SBF1: variants seen among roughly 807,000 people sequenced by gnomAD.
SBF1 encodes myotubularin-related protein 5.
A neutral mutation model predicts 215.8 loss-of-function variants in SBF1; 65 were observed. That is an observed-to-expected ratio of 0.30 (90% CI 0.25 to 0.37). SBF1 has a LOEUF of 0.37. Ranked by LOEUF, SBF1 falls within the 10% of genes least tolerant of loss-of-function variation. The pLI is 1.00. For missense variants in SBF1, 2,634 were observed against 2,667.8 expected (o/e 0.99, Z 0.28); for synonymous variants, 1,410 against 1,122.8 (o/e 1.26, Z -5.11).
chr22:50,457,059 C>G lies in SBF1; in HGVS notation c.3879G>C (p.Ser1293=). 1 of 1,464,918 alleles carries G rather than the reference C, an allele frequency of 6.8e-7. No individual in the cohort carries two copies. The highest frequency in any genetic ancestry group is 2.8e-5 in the East Asian group (1 of 35,932). The allele number at this position is 1,464,918 out of a possible 1,614,324, so 90.7% of individuals were successfully genotyped here. The stretch of plus-strand genomic sequence containing the variant: ...CTCGGGGTGCGGTCCGTCTGGAGGC[C>G]GAGGCCGCCATGGGGTTGGACAGCG... The part of the protein sequence containing the change: ...VTTLSNPMAA[S]ASRRTAPRGK... The change falls in exon 29 of 41, where the codon TCG becomes TCC. Residue 1293 remains serine (S), a synonymous_variant. Coordinates refer to ENST00000380817, the MANE Select transcript of SBF1 (RefSeq NM_002972.4).
rs749723222 is a variant in SBF1 at position 50,465,791 on chromosome 22, G to T, written c.1061C>A (p.Thr354Lys). Residue 354 changes from threonine to lysine, a missense_variant, in exon 10 of 41, where the codon ACG becomes AAG. Coordinates refer to ENST00000380817, the MANE Select transcript of SBF1 (RefSeq NM_002972.4). ...CATCTTCAGGGAGGAGGTGGATGTC[G>T]TGGGCGGAGGGAAGGCGAGGTCAGC... Reference protein sequence around the residue: ...ELADLAFPPPTTSTSSLKMQD... With the variant: ...ELADLAFPPPKTSTSSLKMQD... The T allele has an allele frequency of 6.2e-7, 1 of 1,610,248 alleles. No individual in the cohort carries two copies. The highest frequency in any genetic ancestry group is 1.7e-5 in the Admixed American group (1 of 59,566).
chr22:50,459,512 C>G lies in SBF1; in HGVS notation c.3646G>C (p.Gly1216Arg). 1 of 1,610,296 alleles carries G rather than the reference C, an allele frequency of 6.2e-7. No individual in the cohort carries two copies. The highest frequency in any genetic ancestry group is 8.5e-7 in the Non-Finnish European group (1 of 1,179,820). The change falls in exon 27 of 41, where the codon GGT (glycine) becomes CGT (arginine). Residue 1216 changes from glycine to arginine, a missense_variant. By Grantham distance (125) the Gly-to-Arg change is moderately radical. Transcript: ENST00000380817. Reference sequence around the variant, plus strand: ...TGGGCCTTGAAGAGGCCGACGACACCTTTGCCATGCAGGCCTCCAGAGCGC... The same window carrying G: ...TGGGCCTTGAAGAGGCCGACGACACGTTTGCCATGCAGGCCTCCAGAGCGC... Reference protein sequence around the residue: ...LLRSGGLHGKGVVGLFKAQNA... With the variant: ...LLRSGGLHGKRVVGLFKAQNA...
At chr22:50,448,475 G>T (rs554649433) in intron 37 of SBF1, 31 bp from the exon 38 acceptor site, 1 of 1,610,324 alleles carries the variant, frequency 6.2e-7, no homozygotes, top group East Asian at 2.2e-5. Flanking sequence ...CTTGGGTCAG[G>T]GCTGGACAGA....
chr22:50,462,455 A>T lies in SBF1; in HGVS notation c.2146T>A (p.Ser716Thr), dbSNP rs1268805102. The T allele has an allele frequency of 6.2e-7, 1 of 1,613,694 alleles. No individual in the cohort carries two copies. The change falls in exon 19 of 41, where the codon TCC (serine) becomes ACC (threonine). Residue 716 changes from serine to threonine, a missense_variant. Ser to Thr is a moderately conservative substitution (Grantham distance 58). Transcript: ENST00000380817. ...APAQEVGEAP[S>T]QEDERSALDV... is the part of the protein sequence containing the mutation. Reference sequence around the variant, plus strand: ...AGGGCAGAGCGCTCGTCCTCCTGGGAAGGTGCCTCCCCAACCTCCTGCCAC... The same window carrying T: ...AGGGCAGAGCGCTCGTCCTCCTGGGTAGGTGCCTCCCCAACCTCCTGCCAC...
At chr22:50,467,736 G>A (rs1213130122) in intron 3 of SBF1, 46 bp from the exon 4 acceptor site, 1 of 1,610,944 alleles carries the variant, frequency 6.2e-7, no homozygotes, top group Admixed American at 1.7e-5. Flanking sequence ...GTTGGCCACG[G>A]CCCAAGGATG....
rs1253760267 is a variant in SBF1, at chr22:50,466,724, A to T, written c.550-14T>A. ...AGAGATCGTCCTCTGCAGCAAAAAA[A>T]GGATCGGGGCTCAGTAGTTTGGCCA... is the stretch of plus-strand genomic sequence containing the variant. On this transcript the variant is annotated splice_polypyrimidine_tract_variant and intron_variant, in intron 5 of 40. Coordinates refer to ENST00000380817, the MANE Select transcript of SBF1 (RefSeq NM_002972.4). The T allele has an allele frequency of 2.0e-6, 3 of 1,507,282 alleles. No individual in the cohort carries two copies. Among genetic ancestry groups the T allele is most frequent in the Admixed American group, 4.3e-5 (2 of 46,804 alleles). The allele number at this position is 1,507,282 out of a possible 1,614,324, so 93.4% of individuals were successfully genotyped here.
Position 50,460,577 on chromosome 22 carries a change from C to T in SBF1, c.3103G>A (p.Gly1035Ser). 1 of 1,614,104 alleles carries T rather than the reference C, an allele frequency of 6.2e-7. No homozygotes were observed. The highest frequency in any genetic ancestry group is 8.5e-7 in the Non-Finnish European group (1 of 1,180,028). Reference sequence around the variant, plus strand: ...TCCTTGGTGACTCGCGGTGGCCGGCCAGGTGTGTGGGCAGAGCCCAAGGTG... The same window carrying T: ...TCCTTGGTGACTCGCGGTGGCCGGCTAGGTGTGTGGGCAGAGCCCAAGGTG... ...AFTLGSAHTP[G>S]RPPRVTKDKG... is the part of the protein sequence containing the mutation. The change falls in exon 24 of 41, where the codon GGC becomes AGC. Residue 1035 changes from glycine (G) to serine (S), a missense_variant. By Grantham distance (56) the Gly-to-Ser change is moderately conservative. Transcript: ENST00000380817.
At chr22:50,474,730 G>T in intron 1 of SBF1, 56 bp downstream of exon 1, 1 of 1,398,752 alleles carries the variant, frequency 7.1e-7, no homozygotes, top group Non-Finnish European at 9.4e-7. Context: ...CCAGCCCCTG[G>T]CCCTCAGCAC....
At position 50,462,160 on chromosome 22, in the gene SBF1, C is replaced by A. The variant is rs373999359; in HGVS notation, c.2397-41G>T. 7.5e-6 allele frequency: 12 copies of A among 1,607,938 alleles called. No individual in the cohort carries two copies. The South Asian group carries it at 1.3e-4, about 18-fold the overall frequency. On this transcript the variant is annotated intron_variant, in intron 19 of 40. Coordinates refer to ENST00000380817, the MANE Select transcript of SBF1 (RefSeq NM_002972.4). Reference sequence around the variant, plus strand: ...AACTGTGGGCATGGGCCCTGCCCACCACGGCCCCGCCTCCACTGGGCCCAA... The same window carrying A: ...AACTGTGGGCATGGGCCCTGCCCACAACGGCCCCGCCTCCACTGGGCCCAA...
At chr22:50,458,445 C>T (rs373062397) in intron 28 of SBF1, among the ~76,000 whole-genome samples, 3 of 151,944 alleles carry the variant, frequency 2.0e-5, no homozygotes, top group African/African-American at 4.8e-5. Context: ...TGGTCGGAGA[C>T]GCAAAAGGGA....
chr22:50,465,783 T>C lies in SBF1; in HGVS notation c.1069A>G (p.Thr357Ala), dbSNP rs746439204. The C allele has an allele frequency of 1.5e-5, 24 of 1,607,842 alleles. No homozygotes were observed. The highest frequency in any genetic ancestry group is 1.8e-5 in the Non-Finnish European group (21 of 1,177,996). Residue 357 changes from threonine to alanine, a missense_variant, in exon 10 of 41, where the codon ACC becomes GCC. Physicochemically the swap from Thr to Ala is moderately conservative, Grantham distance 58. Transcript: ENST00000380817. ...DLAFPPPTTSTSSLKMQDKEL... is the reference protein window; with the variant it reads ...DLAFPPPTTSASSLKMQDKEL... Reference sequence around the variant, plus strand: ...CCCACCTGCATCTTCAGGGAGGAGGTGGATGTCGTGGGCGGAGGGAAGGCG... The same window carrying C: ...CCCACCTGCATCTTCAGGGAGGAGGCGGATGTCGTGGGCGGAGGGAAGGCG...
rs2066826418 is a variant in SBF1 at position 50,446,575 on chromosome 22, G to A, written c.*567C>T. On this transcript the variant is annotated 3_prime_UTR_variant, in exon 41 of 41. Transcript: ENST00000380817. Reference sequence around the variant, plus strand: ...GTGCCGGCCCCTAGACCAGCCCTGAGGCGTGGAGGGAATCAAGCAAGTCCC... The same window carrying A: ...GTGCCGGCCCCTAGACCAGCCCTGAAGCGTGGAGGGAATCAAGCAAGTCCC... The A allele has an allele frequency of 3.0e-6, 1 of 335,564 alleles. No homozygotes were observed. Among genetic ancestry groups the A allele is most frequent in the Non-Finnish European group, 5.9e-6 (1 of 169,438 alleles). 20.8% of individuals were successfully genotyped at this position (335,564 alleles called of 1,614,324 possible). A position where few individuals can be genotyped will look rare whatever the true frequency, so the allele number is the denominator to read the frequency against.
intron 1 of SBF1, among the ~76,000 whole-genome samples, chr22:50,471,615 T>C (rs1264696957): frequency 6.6e-6 from 1 of 152,002 alleles, no homozygotes; most frequent in Non-Finnish European, 1.5e-5. Flanking sequence ...AACCCCAACG[T>C]GCACATGGCT....
Position 50,460,334 on chromosome 22 carries a change from T to G in SBF1, c.3221A>C (p.Asn1074Thr). 6.2e-7 allele frequency: 1 copy of G among 1,611,384 alleles called. No individual in the cohort carries two copies. Among genetic ancestry groups the G allele is most frequent in the Non-Finnish European group, 8.5e-7 (1 of 1,179,046 alleles). ...GRQHVTRKKYNPPSWEHRGQP... is the reference protein window; with the variant it reads ...GRQHVTRKKYTPPSWEHRGQP... The stretch of plus-strand genomic sequence containing the variant: ...GCCCCGGTGCTCCCAGCTGGGGGGG[T>G]TGTACTTCTTGCGAGTGACATGCTG... The change falls in exon 25 of 41, where the codon AAC becomes ACC. Residue 1074 changes from asparagine (N) to threonine (T), a missense_variant. Coordinates refer to ENST00000380817, the MANE Select transcript of SBF1 (RefSeq NM_002972.4).
chr22:50,468,554 G>T, intron 1 of SBF1, 93 bp from the exon 2 acceptor site: 1 of 845,062 alleles, frequency 1.2e-6, no homozygotes, highest in Non-Finnish European at 1.8e-6. Flanking sequence ...CCCACCCACT[G>T]GGCCCTCATC....
intron 1 of SBF1, among the ~76,000 whole-genome samples, chr22:50,474,361 G>A (rs1044130361): frequency 2.6e-5 from 4 of 152,192 alleles, no homozygotes; most frequent in Non-Finnish European, 5.9e-5. Flanking sequence ...GCGAGCCGCG[G>A]GTCCGCGCCC....
At chr22:50,458,026 G>A (rs529644206) in intron 28 of SBF1, among the ~76,000 whole-genome samples, 8 of 152,342 alleles carry the variant, frequency 5.3e-5, no homozygotes, top group South Asian at 2.1e-4. Flanking sequence ...CTGGCCAGGC[G>A]CAGTGGCTCA....
intron 36 of SBF1, among the ~76,000 whole-genome samples, chr22:50,450,143 G>A (rs1176920694): frequency 6.6e-6 from 1 of 152,222 alleles, no homozygotes; most frequent in African/African-American, 2.4e-5. Context: ...TCTAGACAGA[G>A]CCCTCCTTGA....
In SBF1 at chr22:50,461,450, G is replaced by A. The variant is rs548341677; in HGVS notation, c.2839+73C>T. 5.3e-6 allele frequency: 8 copies of A among 1,507,746 alleles called. No individual in the cohort carries two copies. In the African/African-American group the frequency reaches 1.1e-4, roughly 21 times the overall value. 93.4% of individuals were successfully genotyped at this position (1,507,746 alleles called of 1,614,324 possible). A position where few individuals can be genotyped will look rare whatever the true frequency, so the allele number is the denominator to read the frequency against. On this transcript the variant is annotated intron_variant, in intron 22 of 40. Transcript: ENST00000380817. ...GAACCCCCGAGAAAAGGGAGAGGGAGGCAGGGAAAGCCCATCCATCCCAAA... is the reference window on the plus strand; with the variant it reads ...GAACCCCCGAGAAAAGGGAGAGGGAAGCAGGGAAAGCCCATCCATCCCAAA...
Sources: allele counts gnomAD v4.1 joint callset (sites outside exome capture counted in the v4.1 genomes callset), GRCh38; gene constraint gnomAD v4.1.1; transcripts MANE v1.5; gene names NCBI Gene and HGNC (gene_info 2026-07-23, HGNC 2026-07-21).